The following TULP1 variants were observed in gnomAD, a reference collection of about 807,000 sequenced individuals.
The protein encoded by TULP1 is TUB like protein 1, also known as tubby-related protein 1.
In TULP1, 50 loss-of-function variants were observed where a neutral mutation model predicts 67.1. That is an observed-to-expected ratio of 0.75 (90% CI 0.59 to 0.94). The LOEUF is 0.94. Ranked by LOEUF, TULP1 falls within the 40% of genes least tolerant of loss-of-function variation. The probability of loss-of-function intolerance (pLI) is 0.00; values close to 1 mark genes in which losing one functional copy is unlikely to be tolerated. For missense variants in TULP1, 746 were observed against 734.1 expected (o/e 1.02, Z -0.19); for synonymous variants, 297 against 294.0 (o/e 1.01, Z -0.11).
rs372809999 is a variant in TULP1 at position 35,505,754 on chromosome 6, T to A, written c.1099A>T (p.Ile367Phe). The change falls in exon 11 of 15, where the codon ATC (isoleucine) becomes TTC (phenylalanine). Residue 367 changes from isoleucine (I) to phenylalanine (F), a missense_variant. Ile to Phe is a conservative substitution (Grantham distance 21). Transcript: ENST00000229771. ...GCCCAGCCCCACCTCAGCTTCCCGA[T>A]GAAATTCTCCCCTCCTCGGGACAGA... ...TNLSRGGENF[I>F]GKLRSNLLGN... 1 of 1,613,872 alleles carries A rather than the reference T, an allele frequency of 6.2e-7. No homozygotes were observed. Among genetic ancestry groups the A allele is most frequent in the Non-Finnish European group, 8.5e-7 (1 of 1,179,988 alleles).
At chr6:35,501,278 G>C (rs750013183) in intron 13 of TULP1, among the ~76,000 whole-genome samples, 3 of 151,958 alleles carry the variant, frequency 2.0e-5, no homozygotes, top group Admixed American at 6.6e-5. Context: ...AAGCCGAGAC[G>C]AGAGGATCAC....
At position 35,505,768 on chromosome 6, in the gene TULP1, C is replaced by T. The variant is rs771156064; in HGVS notation, c.1085G>A (p.Gly362Glu). The change falls in exon 11 of 15, where the codon GGA becomes GAA. Residue 362 changes from glycine (G) to glutamate (E), a missense_variant. By Grantham distance (98) the Gly-to-Glu change is moderately conservative. This residue lies in a region of TULP1 where 383 missense variants were observed against 374.1 expected (regional missense o/e 1.02). Coordinates refer to ENST00000229771, the MANE Select transcript of TULP1 (RefSeq NM_003322.6). ...ISIDPTNLSR[G>E]GENFIGKLRS... Reference sequence around the variant, plus strand: ...CAGCTTCCCGATGAAATTCTCCCCTCCTCGGGACAGATTGGTAGGGTCGAT... The same window carrying T: ...CAGCTTCCCGATGAAATTCTCCCCTTCTCGGGACAGATTGGTAGGGTCGAT... The T allele has an allele frequency of 6.2e-7, 1 of 1,614,218 alleles. No homozygotes were observed. Among genetic ancestry groups the T allele is most frequent in the South Asian group, 1.1e-5 (1 of 91,084 alleles).
Position 35,498,564 on chromosome 6 carries a change from G to A in TULP1, c.1496-104C>T. On this transcript the variant is annotated intron_variant, in intron 14 of 14. Coordinates refer to ENST00000229771, the MANE Select transcript of TULP1 (RefSeq NM_003322.6). This position sits in a 1 kb window ranked among gnomAD's most constrained non-coding sequence, Gnocchi z 6.7. ...GGGGCAGTCTGTCCCTTGCCTTGGG[G>A]CTCCAACCCTCAGCCACCATCTCAG... is the stretch of plus-strand genomic sequence containing the variant. The A allele has an allele frequency of 1.3e-6, 2 of 1,539,980 alleles. No homozygotes were observed. Among genetic ancestry groups the A allele is most frequent in the Non-Finnish European group, 1.8e-6 (2 of 1,134,620 alleles).
chr6:35,503,524 T>A lies in TULP1; in HGVS notation c.1323+35A>T, dbSNP rs1561814035. ...TGAGCCCCGACTCCTGTTTCTCACA[T>A]AGGGAGCCAGGGGCCAGGGAGGTGC... On this transcript the variant is annotated intron_variant, in intron 13 of 14. Coordinates refer to ENST00000229771, the MANE Select transcript of TULP1 (RefSeq NM_003322.6). This position sits in a 1 kb window ranked among gnomAD's most constrained non-coding sequence, Gnocchi z 4.0. 1 of 1,546,394 alleles carries A rather than the reference T, an allele frequency of 6.5e-7. No individual in the cohort carries two copies. Among genetic ancestry groups the A allele is most frequent in the Admixed American group, 2.0e-5 (1 of 51,146 alleles).
At chr6:35,507,442 T>G (rs1438920534) in intron 8 of TULP1, among the ~76,000 whole-genome samples, 8 of 151,650 alleles carry the variant, frequency 5.3e-5, no homozygotes, top group Admixed American at 5.3e-4. Context: ...TCTCAGAAAT[T>G]GAATAAGAAA....
intron 8 of TULP1, among the ~76,000 whole-genome samples, chr6:35,506,539 T>C (rs572510221): frequency 1.3e-5 from 2 of 152,248 alleles, no homozygotes; most frequent in Non-Finnish European, 2.9e-5. Flanking sequence ...CTCAATTTTC[T>C]CATCTGAGAA....
intron 11 of TULP1, among the ~76,000 whole-genome samples, chr6:35,505,280 C>T (rs9689799): frequency 0.061 from 9,255 of 152,304 alleles, 417 homozygotes; most frequent in Admixed American, 0.12. Flanking sequence ...CAGGCATCCC[C>T]TTCCTTCAGC....
Position 35,510,912 on chromosome 6 carries a change from T to C in TULP1, c.448A>G (p.Lys150Glu). 1 of 1,613,822 alleles carries C rather than the reference T, an allele frequency of 6.2e-7. No homozygotes were observed. The highest frequency in any genetic ancestry group is 8.5e-7 in the Non-Finnish European group (1 of 1,179,988). Residue 150 changes from lysine to glutamate, a missense_variant, in exon 5 of 15, where the codon AAG (lysine) becomes GAG (glutamate). Transcript: ENST00000229771. ...LLPPKKPLRE[K>E]SSADLKERRA... ...CTCTCCTTCAGGTCTGCGGAGCTCT[T>C]CTCTCTCAGGGGCTTCTTGGGAGGC... is the stretch of plus-strand genomic sequence containing the variant.
In TULP1 at chr6:35,503,767, G is replaced by C. The variant is rs768366342; in HGVS notation, c.1194C>G (p.Ser398Arg). 6.8e-6 allele frequency: 11 copies of C among 1,613,434 alleles called. No homozygotes were observed. The East Asian group carries it at 1.1e-4, about 16-fold the overall frequency. ...TCACAGCTGCCAGCTCCTGCCGAAG[G>C]CTTGCCACATTAGTGCTGTACCCAC... Reference protein sequence around the residue: ...PQRGYSTNVASLRQELAAVIY... With the variant: ...PQRGYSTNVARLRQELAAVIY... Residue 398 changes from serine (S) to arginine (R), a missense_variant, in exon 12 of 15, where the codon AGC becomes AGG. Ser to Arg is a moderately radical substitution (Grantham distance 110). This residue lies in a region of TULP1 where 383 missense variants were observed against 374.1 expected (regional missense o/e 1.02). Coordinates refer to ENST00000229771, the MANE Select transcript of TULP1 (RefSeq NM_003322.6). The surrounding 1 kb of genome is among the most constrained non-coding windows in gnomAD (Gnocchi z 4.0).
chr6:35,507,738 G>A (rs1223668870), intron 8 of TULP1, among the ~76,000 whole-genome samples: 3 of 152,196 alleles, frequency 2.0e-5, no homozygotes, highest in Non-Finnish European at 2.9e-5. Context: ...CTGGGTGTGT[G>A]CATTTGAGGG....
Position 35,503,625 on chromosome 6 carries a change from C to G in TULP1, c.1257G>C (p.Arg419=). 6.3e-7 allele frequency: 1 copy of G among 1,599,438 alleles called. No individual in the cohort carries two copies. Among genetic ancestry groups the G allele is most frequent in the Non-Finnish European group, 8.5e-7 (1 of 1,173,220 alleles). The change falls in exon 13 of 15, where the codon CGG becomes CGC. Residue 419 remains arginine (R), a synonymous_variant. Transcript: ENST00000229771. This position sits in a 1 kb window ranked among gnomAD's most constrained non-coding sequence, Gnocchi z 4.0. ...ETNVLGFRGP[R]RMTVIIPGMS... ...TGCCAGGAATGATGACGGTCATGCG[C>G]CGGGGGCCACGGAAGCCCAGCACGT...
At position 35,503,832 on chromosome 6, in the gene TULP1, T is replaced by TC; in HGVS notation, c.1128dup (p.Asn377GlufsTer7). On this transcript the variant is annotated frameshift_variant, in exon 12 of 15. Transcript: ENST00000229771. LOFTEE classifies it high-confidence loss of function. This position sits in a 1 kb window ranked among gnomAD's most constrained non-coding sequence, Gnocchi z 4.0. ...CCGTTGTCAAAGACCGTGAAGCGGT[T>TC]CCCCAGGAGGTTGGACCTGCAAGCA... is the stretch of plus-strand genomic sequence containing the variant. 6.2e-7 allele frequency: 1 copy of TC among 1,610,344 alleles called. No homozygotes were observed. The highest frequency in any genetic ancestry group is 8.5e-7 in the Non-Finnish European group (1 of 1,179,482).
Position 35,500,969 on chromosome 6 carries a change from G to A in TULP1, c.1324-817C>T, listed in dbSNP as rs142381070. 7.3e-3 allele frequency among the ~76,000 whole-genome samples: 1,118 copies of A among 152,282 alleles called. 10 individuals carry two copies. Among genetic ancestry groups the A allele is most frequent in the Middle Eastern group, 0.014 (4 of 294 alleles). ...GGTGCCCTGCAGATCAGCCTGGGCC[G>A]TGACTTTCCAGCAGGGAAGGATGTG... On this transcript the variant is annotated intron_variant, in intron 13 of 14. Transcript: ENST00000229771.
Position 35,498,487 on chromosome 6 carries a change from G to A in TULP1, c.1496-27C>T, listed in dbSNP as rs912113379. ...TATGGACACAAGACGGGGTGGGGGC[G>A]GCCCGAGACCTCCTTGGACCCCCAT... On this transcript the variant is annotated intron_variant, in intron 14 of 14. Transcript: ENST00000229771. This position sits in a 1 kb window ranked among gnomAD's most constrained non-coding sequence, Gnocchi z 6.7. The A allele has an allele frequency of 4.3e-6, 7 of 1,613,030 alleles. No individual in the cohort carries two copies. Among genetic ancestry groups the A allele is most frequent in the Non-Finnish European group, 4.2e-6 (5 of 1,179,908 alleles).
intron 1 of TULP1, 55 bp from the exon 2 acceptor site, chr6:35,512,745 C>T: frequency 6.4e-7 from 1 of 1,553,806 alleles, no homozygotes; most frequent in South Asian, 1.1e-5. Flanking sequence ...CCCCATCCCA[C>T]CCACTCCCCA....
chr6:35,512,888 T>G lies in TULP1; in HGVS notation c.-30A>C, dbSNP rs377034077. 3.1e-6 allele frequency: 5 copies of G among 1,611,192 alleles called. No homozygotes were observed. Among genetic ancestry groups the G allele is most frequent in the Non-Finnish European group, 4.2e-6 (5 of 1,179,806 alleles). On this transcript the variant is annotated 5_prime_UTR_variant, in exon 1 of 15. Transcript: ENST00000229771. ...CCTTTGCCTATCGCACCCCTTTCTC[T>G]GCAGGTCTAGGAGCCTCCCTCCCGA...
At chr6:35,511,951 A>G in intron 3 of TULP1, 145 bp from the exon 4 acceptor site, 3 of 921,404 alleles carry the variant, frequency 3.3e-6, no homozygotes, top group South Asian at 2.1e-5. Flanking sequence ...CACTTTCAAC[A>G]CTTCTCCCCG....
Position 35,505,849 on chromosome 6 carries a change from A to G in TULP1, c.1004T>C (p.Phe335Ser). ...TTTTCGTTTCCTGCCAGCCAAGAGG[A>G]ACACCTGGGGAAAAGGGGAGACAGG... ...FLHLDTEKKV[F>S]LLAGRKRKRS... Residue 335 changes from phenylalanine (F) to serine (S), a missense_variant, in exon 11 of 15, where the codon TTC becomes TCC. Phe to Ser is a radical substitution (Grantham distance 155). Coordinates refer to ENST00000229771, the MANE Select transcript of TULP1 (RefSeq NM_003322.6). 1 of 1,614,162 alleles carries G rather than the reference A, an allele frequency of 6.2e-7. No homozygotes were observed. Among genetic ancestry groups the G allele is most frequent in the Non-Finnish European group, 8.5e-7 (1 of 1,180,044 alleles).
Position 35,506,163 on chromosome 6 carries a change from C to T in TULP1, c.839G>A (p.Arg280Lys). The T allele has an allele frequency of 1.9e-6, 3 of 1,613,558 alleles. No homozygotes were observed. Among genetic ancestry groups the T allele is most frequent in the Non-Finnish European group, 2.5e-6 (3 of 1,179,866 alleles). ...CACCTCCACGGGGGGAGACGGGGCC[C>T]TCTCCTCCTTCTGGGTGGGGGCAGA... ...GKGKKKAKEE[R>K]APSPPVEVDE... Residue 280 changes from arginine (R) to lysine (K), a missense_variant, in exon 10 of 15, where the codon AGG (arginine) becomes AAG (lysine). Physicochemically the swap from Arg to Lys is conservative, Grantham distance 26. This residue lies in a region of TULP1 where 383 missense variants were observed against 374.1 expected (regional missense o/e 1.02). Transcript: ENST00000229771.
Sources: gnomAD v4.1 joint callset for allele counts (sites outside exome capture counted in the v4.1 genomes callset) on GRCh38, gnomAD v4.1.1 for gene constraint, gnomAD v4.1.1 regional missense constraint, Gnocchi (gnomAD v3.1) non-coding constraint, MANE v1.5 for transcripts, NCBI Gene and HGNC (gene_info 2026-07-23, HGNC 2026-07-21) for gene names.